Variants in MAU2 observed in about 807,000 individuals in gnomAD.
MAU2 encodes MAU2 sister chromatid cohesion factor.
Under a neutral mutation model 89.1 loss-of-function variants are expected in MAU2, and 9 were observed. That is an observed-to-expected ratio of 0.10 (90% CI 0.06 to 0.18). MAU2 has a LOEUF of 0.18. Ranked by LOEUF, MAU2 falls within the 10% of genes least tolerant of loss-of-function variation. The probability of loss-of-function intolerance (pLI) is 1.00; values close to 1 mark genes in which losing one functional copy is unlikely to be tolerated. For synonymous variants in MAU2, 357 were observed against 343.4 expected (o/e 1.04, Z -0.44); for missense variants, 425 against 803.5 (o/e 0.53, Z 5.69).
rs2061590817 is a variant in MAU2 at position 19,335,724 on chromosome 19, A to G, written c.283A>G (p.Ile95Val). 5.6e-6 allele frequency: 9 copies of G among 1,614,014 alleles called. No homozygotes were observed. Among genetic ancestry groups the G allele is most frequent in the Non-Finnish European group, 6.8e-6 (8 of 1,179,998 alleles). The change falls in exon 2 of 19, where the codon ATA (isoleucine) becomes GTA (valine). Residue 95 changes from isoleucine (I) to valine (V), a missense_variant. By Grantham distance (29) the Ile-to-Val change is conservative. Transcript: ENST00000262815. Reference protein sequence around the residue: ...ARSHLEKAWLISQQIPQFEDV... With the variant: ...ARSHLEKAWLVSQQIPQFEDV... The stretch of plus-strand genomic sequence containing the variant: ...TGTTTTCTTTCTTTTTCAGTGGTTG[A>G]TATCACAGCAAGTATCCTTTCCGTG...
intron 17 of MAU2, chr19:19,354,674 G>C (rs2048157317): frequency 3.6e-6 from 2 of 558,732 alleles, no homozygotes; most frequent in African/African-American, 3.8e-5. Context: ...ATAGGACACA[G>C]AGGCTGCGAC....
At chr19:19,325,106 A>C (rs894249982) in intron 1 of MAU2, among the ~76,000 whole-genome samples, 3 of 152,170 alleles carry the variant, frequency 2.0e-5, no homozygotes, top group East Asian at 3.8e-4. Context: ...AGTATTTTGC[A>C]ATAGTTTGTG....
chr19:19,339,257 G>A (rs1389256071), intron 5 of MAU2, among the ~76,000 whole-genome samples: 2 of 152,112 alleles, frequency 1.3e-5, no homozygotes, highest in African/African-American at 4.8e-5. Flanking sequence ...AGCCCACCCT[G>A]GCCAACATGG....
chr19:19,354,967 C>T (rs1326603377), intron 17 of MAU2, among the ~76,000 whole-genome samples: 2 of 152,196 alleles, frequency 1.3e-5, no homozygotes, highest in Non-Finnish European at 2.9e-5. Flanking sequence ...GGGCATTGGG[C>T]GTCCTGCCCC....
At chr19:19,339,464 C>G (rs41381553) in intron 5 of MAU2, among the ~76,000 whole-genome samples, 3,102 of 151,690 alleles carry the variant, frequency 0.02, 104 homozygotes, top group African/African-American at 0.071. Context: ...AAAAATTAGT[C>G]ACCATGAGGC....
chr19:19,330,979 T>TG (rs2061550745), intron 1 of MAU2, among the ~76,000 whole-genome samples: 1 of 152,158 alleles, frequency 6.6e-6, no homozygotes, highest in Non-Finnish European at 1.5e-5. Context: ...CTGGACTGAA[T>TG]CCTCCAGGCA....
chr19:19,336,466 AT>A (rs563912190), intron 3 of MAU2, among the ~76,000 whole-genome samples: 1 of 151,822 alleles, frequency 6.6e-6, no homozygotes, highest in Non-Finnish European at 1.5e-5. Flanking sequence ...TGCCTGGCTA[AT>A]TTTTTTTATT....
chr19:19,341,728 C>T (rs545084388), intron 7 of MAU2, among the ~76,000 whole-genome samples: 153 of 152,328 alleles, frequency 1.0e-3, no homozygotes, highest in Middle Eastern at 3.4e-3. Flanking sequence ...CACAGAGGTG[C>T]TGGGATGGCA....
intron 1 of MAU2, 43 bp from the exon 2 acceptor site, chr19:19,335,675 G>A: frequency 6.2e-7 from 1 of 1,611,608 alleles, no homozygotes; most frequent in South Asian, 1.1e-5. Flanking sequence ...CCAGGTGCCA[G>A]GTGTTTGCCT....
At chr19:19,350,643 G>A (rs1373739227) in intron 16 of MAU2, among the ~76,000 whole-genome samples, 3 of 151,376 alleles carry the variant, frequency 2.0e-5, no homozygotes, top group Non-Finnish European at 4.4e-5. Flanking sequence ...GCTCACGCCT[G>A]TAATCCCAGC....
chr19:19,321,201 G>C (rs2061451296), intron 1 of MAU2, 66 bp downstream of exon 1: 1 of 1,423,536 alleles, frequency 7.0e-7, no homozygotes, highest in African/African-American at 1.5e-5. Flanking sequence ...CTGACGGGTC[G>C]CGACCGCGGC....
intron 1 of MAU2, among the ~76,000 whole-genome samples, chr19:19,329,986 T>TA (rs1407550605): frequency 6.6e-6 from 1 of 150,764 alleles, no homozygotes; most frequent in Non-Finnish European, 1.5e-5. Flanking sequence ...TTTATTTATT[T>TA]TTTATTTTTT....
chr19:19,336,898 T>C (rs1025050296), intron 3 of MAU2, among the ~76,000 whole-genome samples: 4 of 152,212 alleles, frequency 2.6e-5, no homozygotes, highest in Non-Finnish European at 5.9e-5. Context: ...TGGCGTCTGA[T>C]TTGAGTGTTT....
At chr19:19,350,914 A>G (rs985902081) in intron 16 of MAU2, among the ~76,000 whole-genome samples, 1 of 144,966 alleles carries the variant, frequency 6.9e-6, no homozygotes, top group African/African-American at 2.5e-5. Flanking sequence ...AAAAAAAAAA[A>G]GATATTTTTG....
At chr19:19,326,356 C>T (rs1040849861) in intron 1 of MAU2, among the ~76,000 whole-genome samples, 3 of 151,846 alleles carry the variant, frequency 2.0e-5, no homozygotes, top group South Asian at 2.1e-4. Flanking sequence ...AGTTCAAGAC[C>T]GGCCTTGGCA....
intron 10 of MAU2, chr19:19,344,201 C>T (rs926818834): frequency 4.6e-6 from 2 of 438,834 alleles, no homozygotes; most frequent in African/African-American, 4.0e-5. Context: ...CACTTGAGGC[C>T]AGGAGTTTGA....
In MAU2 at chr19:19,341,293, G is replaced by A. The variant is rs760656248; in HGVS notation, c.621G>A (p.Leu207=). The A allele has an allele frequency of 8.7e-6, 14 of 1,612,760 alleles. No individual in the cohort carries two copies. In the East Asian group the frequency reaches 2.9e-4, roughly 33 times the overall value. The change falls in exon 7 of 19, where the codon CTG becomes CTA. Residue 207 remains leucine, a synonymous_variant. Transcript: ENST00000262815. ...MERKLQEVHP[L]LTLCGQIVEN... is the part of the protein sequence containing the mutation. ...GAAAGCTGCAGGAGGTGCACCCGCTGCTGACCCTCTGCGGGCAGATCGTGG... is the reference window on the plus strand; with the variant it reads ...GAAAGCTGCAGGAGGTGCACCCGCTACTGACCCTCTGCGGGCAGATCGTGG...
chr19:19,357,409 G>A lies in MAU2; in HGVS notation c.*1627G>A, dbSNP rs2048191993. 1 of 152,496 alleles carries A rather than the reference G, an allele frequency of 6.6e-6. No individual in the cohort carries two copies. Among genetic ancestry groups the A allele is most frequent in the South Asian group, 2.1e-4 (1 of 4,836 alleles). The allele number at this position is 152,496 out of a possible 1,614,324, so 9.4% of individuals were successfully genotyped here. ...CTGTCCTGTCTTCCTCCCGAGCCAT[G>A]GCCTCTGCTAGCTCCACCTTGAAGG... On this transcript the variant is annotated 3_prime_UTR_variant, in exon 19 of 19. Coordinates refer to ENST00000262815, the MANE Select transcript of MAU2 (RefSeq NM_015329.4).
At chr19:19,328,623 A>G (rs1389326433) in intron 1 of MAU2, among the ~76,000 whole-genome samples, 1 of 151,744 alleles carries the variant, frequency 6.6e-6, no homozygotes, top group Non-Finnish European at 1.5e-5. Flanking sequence ...GGGTTTCACC[A>G]TGTTAGCCAG....
Sources: gnomAD v4.1 joint callset for allele counts (sites outside exome capture counted in the v4.1 genomes callset) on GRCh38, gnomAD v4.1.1 for gene constraint, MANE v1.5 for transcripts, NCBI Gene and HGNC (gene_info 2026-07-23, HGNC 2026-07-21) for gene names.